The following AFF3 variants were observed in gnomAD, a reference collection of about 807,000 sequenced individuals.
AFF3 encodes the protein ALF transcription elongation factor 3, also known as AF4/FMR2 family member 3.
Under a neutral mutation model 129.7 loss-of-function variants are expected in AFF3, and 32 were observed. The ratio of observed to expected loss-of-function variants is 0.25; its 90% CI spans 0.19 to 0.33. The LOEUF is 0.33. AFF3 is among the 10% of genes least tolerant of loss of function. The pLI is 1.00. For synonymous variants in AFF3, 644 were observed against 635.4 expected (o/e 1.01, Z -0.20); for missense variants, 1,373 against 1,592.0 (o/e 0.86, Z 2.34).
At chr2:99,789,883 T>G (rs1211173477) in intron 8 of AFF3, among the ~76,000 whole-genome samples, 4 of 152,236 alleles carry the variant, frequency 2.6e-5, no homozygotes, top group Non-Finnish European at 5.9e-5. Flanking sequence ...CTTTGCATTT[T>G]AAGCAAATTA....
At chr2:99,956,883 G>A (rs899596851) in intron 7 of AFF3, among the ~76,000 whole-genome samples, 4 of 152,330 alleles carry the variant, frequency 2.6e-5, no homozygotes, top group African/African-American at 4.8e-5. Flanking sequence ...AAGAGGCAAC[G>A]TGAGTTCTAT....
At chr2:99,959,671 T>A (rs1677034178) in intron 7 of AFF3, among the ~76,000 whole-genome samples, 1 of 147,628 alleles carries the variant, frequency 6.8e-6, no homozygotes, top group South Asian at 2.2e-4. Context: ...AAACATGAAC[T>A]TACATTTTAA....
chr2:100,013,417 T>C (rs1682721546), intron 4 of AFF3, among the ~76,000 whole-genome samples: 1 of 152,198 alleles, frequency 6.6e-6, no homozygotes, highest in Non-Finnish European at 1.5e-5. Context: ...TGATGGTGAA[T>C]ATTATGACTA....
chr2:99,920,687 C>G (rs1695799033), intron 7 of AFF3, among the ~76,000 whole-genome samples: 1 of 151,778 alleles, frequency 6.6e-6, no homozygotes, highest in African/African-American at 2.4e-5. Flanking sequence ...TATTGGAGGT[C>G]CCTGCCTGTA....
intron 7 of AFF3, among the ~76,000 whole-genome samples, chr2:99,970,301 T>C (rs1404466128): frequency 1.3e-5 from 2 of 152,134 alleles, no homozygotes; most frequent in African/African-American, 2.4e-5. Context: ...CCCTCTCCCC[T>C]GACCATCCTT....
rs1277471416 is a variant in AFF3 at position 99,548,635 on chromosome 2, TGG to T, written c.*2837_*2838del. ...GCACGTGCCTATCTTCCCAGCTGCT[TGG>T]GAGGCTGAGGCAGGAGGATTGCTTG... On this transcript the variant is annotated 3_prime_UTR_variant, in exon 25 of 25. Coordinates refer to ENST00000672756, the MANE Select transcript of AFF3 (RefSeq NM_001386135.1). 9.6e-6 allele frequency: 2 copies of T among 207,700 alleles called. No homozygotes were observed. The highest frequency in any genetic ancestry group is 2.0e-5 in the Non-Finnish European group (2 of 102,156). 12.9% of individuals were successfully genotyped at this position (207,700 alleles called of 1,614,324 possible). A position where few individuals can be genotyped will look rare whatever the true frequency, so the allele number is the denominator to read the frequency against.
intron 10 of AFF3, among the ~76,000 whole-genome samples, chr2:99,734,218 T>C (rs1680063604): frequency 6.6e-6 from 1 of 152,234 alleles, no homozygotes; most frequent in Non-Finnish European, 1.5e-5. Context: ...AATTTTCAGT[T>C]GTTAGTGTAG....
At chr2:99,903,433 A>G (rs1694493360) in intron 7 of AFF3, among the ~76,000 whole-genome samples, 1 of 152,200 alleles carries the variant, frequency 6.6e-6, no homozygotes, top group African/African-American at 2.4e-5. Flanking sequence ...ATAGGTATGT[A>G]TCTTGCATTT....
At chr2:100,069,392 C>T (rs988360747) in intron 4 of AFF3, among the ~76,000 whole-genome samples, 1 of 152,078 alleles carries the variant, frequency 6.6e-6, no homozygotes, top group African/African-American at 2.4e-5. Flanking sequence ...TTGGAAACCA[C>T]CAATAAACAT....
chr2:99,784,865 T>C (rs1684675554), intron 8 of AFF3, among the ~76,000 whole-genome samples: 1 of 152,212 alleles, frequency 6.6e-6, no homozygotes, highest in African/African-American at 2.4e-5. Context: ...TTTAAGTTAT[T>C]AGAGTTTAAA....
At chr2:99,607,847 A>G (rs1030770612) in intron 13 of AFF3, among the ~76,000 whole-genome samples, 2 of 152,384 alleles carry the variant, frequency 1.3e-5, no homozygotes, top group African/African-American at 4.8e-5. Context: ...TCCTGGCAAC[A>G]GTATTCCTTT....
chr2:100,049,844 C>T, intron 4 of AFF3, among the ~76,000 whole-genome samples: 1 of 152,192 alleles, frequency 6.6e-6, no homozygotes, highest in Non-Finnish European at 1.5e-5. Flanking sequence ...CAACATCTTA[C>T]ACCCCAAACT....
At chr2:99,697,775 A>G (rs1676440397) in intron 11 of AFF3, among the ~76,000 whole-genome samples, 1 of 152,242 alleles carries the variant, frequency 6.6e-6, no homozygotes, top group Non-Finnish European at 1.5e-5. Context: ...TGCTTTCTTT[A>G]CAATGAGGAT....
intron 7 of AFF3, among the ~76,000 whole-genome samples, chr2:99,999,735 A>AATGCT (rs956397975): frequency 2.2e-4 from 33 of 152,220 alleles, no homozygotes; most frequent in Admixed American, 2.2e-3. Context: ...CAGTCATAAA[A>AATGCT]ATGCTATCAG....
chr2:99,581,334 A>G (rs1192167814), intron 17 of AFF3, among the ~76,000 whole-genome samples: 2 of 152,166 alleles, frequency 1.3e-5, no homozygotes, highest in Non-Finnish European at 2.9e-5. Flanking sequence ...CAATTCTTTC[A>G]GTCTAGAATT....
intron 8 of AFF3, among the ~76,000 whole-genome samples, chr2:99,772,631 T>C (rs1372625219): frequency 6.6e-6 from 1 of 152,226 alleles, no homozygotes; most frequent in Admixed American, 6.5e-5. Flanking sequence ...AGAAAAATTA[T>C]TCTGAACAGC....
intron 7 of AFF3, among the ~76,000 whole-genome samples, chr2:99,931,011 G>T (rs1007571091): frequency 1.3e-5 from 2 of 152,272 alleles, no homozygotes; most frequent in South Asian, 4.1e-4. Context: ...GTTCAGAATT[G>T]AAATTTACAG....
chr2:99,766,006 T>TTTGCCCTCATGCTATAGACTACCC (rs1682976850), intron 8 of AFF3, among the ~76,000 whole-genome samples: 1 of 152,206 alleles, frequency 6.6e-6, no homozygotes, highest in Non-Finnish European at 1.5e-5. Context: ...GATTAGAAGC[T>TTTGCCCTCATGCTATAGACTACCC]TTGCCCTCAT....
At chr2:99,732,082 CA>C (rs1679876263) in intron 10 of AFF3, among the ~76,000 whole-genome samples, 1 of 152,172 alleles carries the variant, frequency 6.6e-6, no homozygotes, top group Admixed American at 6.5e-5. Flanking sequence ...TGGCTGGGCA[CA>C]GTGGCTCACG....
Sources: allele counts gnomAD v4.1 joint callset (sites outside exome capture counted in the v4.1 genomes callset), GRCh38; gene constraint gnomAD v4.1.1; transcripts MANE v1.5; gene names NCBI Gene and HGNC (gene_info 2026-07-23, HGNC 2026-07-21).